MGAT4C: variants seen among roughly 807,000 people sequenced by gnomAD.
The protein encoded by MGAT4C is alpha-1,3-mannosyl-glycoprotein 4-beta-N-acetylglucosaminyltransferase C.
Under a neutral mutation model 40.1 loss-of-function variants are expected in MGAT4C, and 19 were observed. That is an observed-to-expected ratio of 0.47 (90% CI 0.33 to 0.70). MGAT4C has a LOEUF of 0.70. Among genes scored for constraint, MGAT4C ranks in the 30% least tolerant of loss-of-function variants. MGAT4C has a pLI of 0.02. For missense variants in MGAT4C, 491 were observed against 563.2 expected, an observed-to-expected ratio of 0.87 and a Z score of 1.30; for synonymous variants, 181 against 187.1, an observed-to-expected ratio of 0.97 and a Z score of 0.27.
chr12:85,983,276 C>A (rs1884824368), intron 4 of MGAT4C, among the ~76,000 whole-genome samples: 1 of 152,002 alleles, frequency 6.6e-6, no homozygotes, highest in African/African-American at 2.4e-5. Flanking sequence ...CACTCTATAC[C>A]ATCCTACAAC....
At chr12:86,633,929 C>A (rs1049397726) in intron 2 of MGAT4C, among the ~76,000 whole-genome samples, 1 of 151,340 alleles carries the variant, frequency 6.6e-6, no homozygotes, top group Non-Finnish European at 1.5e-5. Flanking sequence ...TTTTTATTAT[C>A]GCAATGGGCA....
intron 1 of MGAT4C, among the ~76,000 whole-genome samples, chr12:86,190,770 T>C (rs534159063): frequency 2.6e-5 from 4 of 152,232 alleles, no homozygotes; most frequent in African/African-American, 9.6e-5. Context: ...ATTTTGTAGA[T>C]AGGACTAATA....
chr12:86,279,926 T>C (rs904109910), intron 4 of MGAT4C, among the ~76,000 whole-genome samples: 1 of 152,048 alleles, frequency 6.6e-6, no homozygotes, highest in African/African-American at 2.4e-5. Flanking sequence ...TTCCATATGT[T>C]TGTATAGTTT....
At chr12:86,003,362 T>C (rs1887544979) in intron 2 of MGAT4C, among the ~76,000 whole-genome samples, 1 of 152,164 alleles carries the variant, frequency 6.6e-6, no homozygotes, top group African/African-American at 2.4e-5. Flanking sequence ...ATATGTCTTC[T>C]AGATGCTTAG....
chr12:86,196,321 T>C (rs771836225), intron 1 of MGAT4C, among the ~76,000 whole-genome samples: 24 of 152,230 alleles, frequency 1.6e-4, no homozygotes, highest in Non-Finnish European at 2.5e-4. Flanking sequence ...CTCTTTGGTC[T>C]GATGCGCTGC....
chr12:86,612,708 C>CCAGCCTGG (rs1477941260), intron 2 of MGAT4C, among the ~76,000 whole-genome samples: 40 of 148,136 alleles, frequency 2.7e-4, no homozygotes, highest in African/African-American at 9.8e-4. Context: ...CCACTGCACT[C>CCAGCCTGG]CAGCCTGGGC....
intron 2 of MGAT4C, among the ~76,000 whole-genome samples, chr12:86,625,204 C>T (rs184658758): frequency 2.0e-5 from 3 of 152,072 alleles, no homozygotes; most frequent in Admixed American, 2.0e-4. Flanking sequence ...GAAGAAGGTG[C>T]CTGGTTCCTT....
chr12:86,827,924 T>A (rs554249745), intron 1 of MGAT4C, among the ~76,000 whole-genome samples: 1 of 151,478 alleles, frequency 6.6e-6, no homozygotes, highest in East Asian at 1.9e-4. Context: ...TAAAACATGA[T>A]AGAAACCCTA....
At chr12:86,442,582 C>A (rs972338607) in intron 2 of MGAT4C, among the ~76,000 whole-genome samples, 3 of 152,036 alleles carry the variant, frequency 2.0e-5, no homozygotes, top group Non-Finnish European at 4.4e-5. Flanking sequence ...GTTTTCCCAG[C>A]ACCATTTATT....
intron 1 of MGAT4C, among the ~76,000 whole-genome samples, chr12:86,734,008 ATT>A (rs1950949296): frequency 6.6e-6 from 1 of 152,106 alleles, no homozygotes; most frequent in African/African-American, 2.4e-5. Flanking sequence ...GTCGTGGTCA[ATT>A]CTGTAAAATA....
intron 1 of MGAT4C, among the ~76,000 whole-genome samples, chr12:86,248,730 A>G (rs1375233291): frequency 1.3e-5 from 2 of 152,148 alleles, no homozygotes; most frequent in African/African-American, 2.4e-5. Context: ...CAGAATGCCT[A>G]TAACATTGTA....
chr12:86,042,651 G>A (rs1448652364), intron 2 of MGAT4C, among the ~76,000 whole-genome samples: 2 of 151,898 alleles, frequency 1.3e-5, no homozygotes, highest in Admixed American at 6.6e-5. Context: ...AGATCACAGG[G>A]TCAGGAGATT....
At chr12:86,688,765 G>A (rs1950120937) in intron 2 of MGAT4C, among the ~76,000 whole-genome samples, 1 of 152,068 alleles carries the variant, frequency 6.6e-6, no homozygotes, top group Non-Finnish European at 1.5e-5. Flanking sequence ...TTTCTCTCTG[G>A]TTGCCCTTAA....
At chr12:86,419,279 T>G (rs1956778064) in intron 3 of MGAT4C, among the ~76,000 whole-genome samples, 1 of 152,018 alleles carries the variant, frequency 6.6e-6, no homozygotes, top group African/African-American at 2.4e-5. Flanking sequence ...AAATTTCTGC[T>G]CAAAGTCCTT....
At chr12:86,719,129 A>G (rs1950697115) in intron 2 of MGAT4C, among the ~76,000 whole-genome samples, 1 of 152,206 alleles carries the variant, frequency 6.6e-6, no homozygotes, top group African/African-American at 2.4e-5. Context: ...CTCTTAAATG[A>G]ATGAAGATTG....
At chr12:86,031,099 C>T (rs1425448300) in intron 2 of MGAT4C, among the ~76,000 whole-genome samples, 1 of 151,136 alleles carries the variant, frequency 6.6e-6, no homozygotes, top group Non-Finnish European at 1.5e-5. Context: ...GTTCTCTTCA[C>T]ATTATAAATA....
At chr12:86,673,537 T>C (rs1328631467) in intron 2 of MGAT4C, among the ~76,000 whole-genome samples, 5 of 152,156 alleles carry the variant, frequency 3.3e-5, no homozygotes. Flanking sequence ...GTAATATGCA[T>C]TTTAATATAT....
intron 1 of MGAT4C, among the ~76,000 whole-genome samples, chr12:86,813,332 T>C (rs961955116): frequency 5.3e-5 from 8 of 152,098 alleles, no homozygotes; most frequent in South Asian, 2.1e-4. Flanking sequence ...CGTCACATGA[T>C]ATTACATATT....
At chr12:86,258,507 C>T (rs527774654), upstream of MGAT4C, among the ~76,000 whole-genome samples, 6 of 152,112 alleles carry the variant, frequency 3.9e-5, no homozygotes, top group South Asian at 8.3e-4. Context: ...TCCTAGGGCT[C>T]TGCAGGCATT....
Sources: gnomAD v4.1 joint callset for allele counts (sites outside exome capture counted in the v4.1 genomes callset) on GRCh38, gnomAD v4.1.1 for gene constraint, MANE v1.5 for transcripts, NCBI Gene and HGNC (gene_info 2026-07-23, HGNC 2026-07-21) for gene names.